Variants in VAV2 observed in about 807,000 individuals in gnomAD.
VAV2 encodes the protein vav guanine nucleotide exchange factor 2.
Under a neutral mutation model 132.5 loss-of-function variants are expected in VAV2, and 67 were observed. The observed-to-expected ratio is 0.51, with a 90% CI of 0.42 to 0.62. The LOEUF (loss-of-function observed/expected upper bound fraction) is 0.62. VAV2 is among the 20% of genes least tolerant of loss of function. VAV2 has a pLI of 0.00. For synonymous variants in VAV2, 492 were observed against 443.5 expected (o/e 1.11, Z -1.37); for missense variants, 938 against 1,153.6 (o/e 0.81, Z 2.71).
At chr9:133,938,070 A>G (rs1840991828) in intron 2 of VAV2, among the ~76,000 whole-genome samples, 1 of 152,218 alleles carries the variant, frequency 6.6e-6, no homozygotes, top group Admixed American at 6.5e-5. Flanking sequence ...GCGCCACTGC[A>G]AACCCAAATT....
intron 2 of VAV2, among the ~76,000 whole-genome samples, chr9:133,888,565 G>A (rs1449459636): frequency 1.3e-5 from 2 of 152,142 alleles, no homozygotes; most frequent in South Asian, 2.1e-4. Context: ...CAGGAGCCAC[G>A]TCACTCTCAC....
At chr9:133,790,684 T>C (rs1467945055) in intron 13 of VAV2, among the ~76,000 whole-genome samples, 1 of 152,124 alleles carries the variant, frequency 6.6e-6, no homozygotes, top group Non-Finnish European at 1.5e-5. Context: ...TTAATTTCTT[T>C]CTAAAATGAA....
At chr9:133,962,169 G>C (rs937542518) in intron 1 of VAV2, among the ~76,000 whole-genome samples, 2 of 152,154 alleles carry the variant, frequency 1.3e-5, no homozygotes, top group Admixed American at 6.5e-5. Flanking sequence ...GGGCACAGAG[G>C]GGGATGAAGG....
intron 2 of VAV2, among the ~76,000 whole-genome samples, chr9:133,894,955 A>G (rs1839137502): frequency 6.6e-6 from 1 of 152,228 alleles, no homozygotes; most frequent in African/African-American, 2.4e-5. Context: ...AGCCCTGGCC[A>G]TCGGTGTCAC....
intron 2 of VAV2, among the ~76,000 whole-genome samples, chr9:133,868,065 C>A (rs946621721): frequency 1.3e-5 from 2 of 152,260 alleles, no homozygotes; most frequent in African/African-American, 4.8e-5. Flanking sequence ...CCACTGGCTT[C>A]TCCAATGATT....
In VAV2 at chr9:133,968,573, C is replaced by T. The variant is rs896903563; in HGVS notation, c.204+23502G>A. On this transcript the variant is annotated intron_variant, in intron 1 of 29. Coordinates refer to ENST00000371850, the MANE Select transcript of VAV2 (RefSeq NM_001134398.2). Reference sequence around the variant, plus strand: ...GGGTCCCTACCCATGGGGCCATCCCCGGGGGCCTGGACAGAGCTGCCGGTC... The same window carrying T: ...GGGTCCCTACCCATGGGGCCATCCCTGGGGGCCTGGACAGAGCTGCCGGTC... Among the ~76,000 whole-genome samples, 20 of 152,214 alleles carry T rather than the reference C, an allele frequency of 1.3e-4. 1 individual carries two copies. In the South Asian group the frequency reaches 2.1e-3, roughly 16 times the overall value.
At chr9:133,956,846 G>A (rs1416065773) in intron 1 of VAV2, among the ~76,000 whole-genome samples, 2 of 152,218 alleles carry the variant, frequency 1.3e-5, no homozygotes, top group Non-Finnish European at 2.9e-5. Flanking sequence ...CCAGGGCCTG[G>A]GACAGAGCCC....
rs2131581679 is a variant in VAV2, at chr9:133,775,932, C to A, written c.2018+96G>T. The A allele has an allele frequency of 4.1e-6, 6 of 1,473,538 alleles. No homozygotes were observed. In the South Asian group the frequency reaches 8.3e-5, roughly 20 times the overall value. The allele number at this position is 1,473,538 out of a possible 1,614,324, so 91.3% of individuals were successfully genotyped here. A position where few individuals can be genotyped will look rare whatever the true frequency, so the allele number is the denominator to read the frequency against. On this transcript the variant is annotated intron_variant, in intron 24 of 29. Coordinates refer to ENST00000371850, the MANE Select transcript of VAV2 (RefSeq NM_001134398.2). ...CAGGCAGCCTGGGGCCTCCACCCTG[C>A]TGGGCCGCTCACAGGCACCACCCAG...
At chr9:133,956,048 C>G (rs554101631) in intron 1 of VAV2, among the ~76,000 whole-genome samples, 1 of 151,852 alleles carries the variant, frequency 6.6e-6, no homozygotes, top group African/African-American at 2.4e-5. Flanking sequence ...CCCACGGGGC[C>G]AGGAGGCACA....
At chr9:133,895,692 G>A (rs1839171633) in intron 2 of VAV2, among the ~76,000 whole-genome samples, 1 of 152,132 alleles carries the variant, frequency 6.6e-6, no homozygotes, top group South Asian at 2.1e-4. Context: ...TTCTTTTTGG[G>A]GGTAATGAAA....
At chr9:133,835,724 G>C (rs1836445166) in intron 3 of VAV2, among the ~76,000 whole-genome samples, 1 of 152,158 alleles carries the variant, frequency 6.6e-6, no homozygotes, top group Non-Finnish European at 1.5e-5. Flanking sequence ...GGTCCGTCCC[G>C]GCAGCCCCGC....
In VAV2 at chr9:133,991,945, C is replaced by G. The variant is rs1843035609; in HGVS notation, c.204+130G>C. ...GGGGCGCACCCTCCAGCCGCCCGCC[C>G]GCGTCCCGGAGCCCGGCCGCCCCAG... On this transcript the variant is annotated intron_variant, in intron 1 of 29. Coordinates refer to ENST00000371850, the MANE Select transcript of VAV2 (RefSeq NM_001134398.2). The surrounding 1 kb of genome is among the most constrained non-coding windows in gnomAD (Gnocchi z 4.8). The G allele has an allele frequency of 1.4e-6, 1 of 738,878 alleles. No individual in the cohort carries two copies. The highest frequency in any genetic ancestry group is 5.6e-5 in the Admixed American group (1 of 17,750). The allele number at this position is 738,878 out of a possible 1,614,324, so 45.8% of individuals were successfully genotyped here. A position where few individuals can be genotyped will look rare whatever the true frequency, so the allele number is the denominator to read the frequency against.
chr9:133,952,606 G>A (rs372675441), intron 1 of VAV2, among the ~76,000 whole-genome samples: 3,228 of 148,546 alleles, frequency 0.022, 56 homozygotes, highest in Middle Eastern at 0.042. Context: ...CTGTCTCGGG[G>A]AAAAAAAAAA....
intron 2 of VAV2, among the ~76,000 whole-genome samples, chr9:133,897,965 C>T (rs2131999823): frequency 6.6e-6 from 1 of 152,218 alleles, no homozygotes; most frequent in East Asian, 1.9e-4. Context: ...AAGGCAGAGA[C>T]AGGCAGCTGG....
chr9:133,973,422 T>C (rs1265103510), intron 1 of VAV2, among the ~76,000 whole-genome samples: 2 of 152,192 alleles, frequency 1.3e-5, no homozygotes, highest in African/African-American at 4.8e-5. Context: ...CGGGCAGGAC[T>C]GGAGAGTTAT....
At chr9:133,786,103 G>A (rs916143105) in intron 16 of VAV2, 5 of 594,924 alleles carry the variant, frequency 8.4e-6, no homozygotes, top group Non-Finnish European at 1.6e-5. Flanking sequence ...ATGTATAGCT[G>A]TGTGCCCATA....
intron 1 of VAV2, among the ~76,000 whole-genome samples, chr9:133,970,591 A>G (rs2428086): frequency 0.76 from 116,079 of 151,982 alleles, 44,537 homozygotes; most frequent in East Asian, 0.92. Context: ...GCAGAGATGG[A>G]GGTGGCTCCT....
chr9:133,900,020 C>G (rs1185701774), intron 2 of VAV2, among the ~76,000 whole-genome samples: 1 of 120,226 alleles, frequency 8.3e-6, no homozygotes, highest in Non-Finnish European at 1.8e-5. Flanking sequence ...GACTCCATCT[C>G]AAAAAAAATA....
chr9:133,991,578 G>A lies in VAV2; in HGVS notation c.204+497C>T, dbSNP rs1039942095. 1.3e-5 allele frequency among the ~76,000 whole-genome samples: 2 copies of A among 151,816 alleles called. 1 individual carries two copies. The highest frequency in any genetic ancestry group is 4.1e-4 in the South Asian group (2 of 4,824). On this transcript the variant is annotated intron_variant, in intron 1 of 29. Transcript: ENST00000371850. This position sits in a 1 kb window ranked among gnomAD's most constrained non-coding sequence, Gnocchi z 4.8. The stretch of plus-strand genomic sequence containing the variant: ...CCCGGGGCCAACCCAGCTCCCTCCG[G>A]CCCCGAGGGCTCCCGCCCCGCGCCC...
Sources: allele counts gnomAD v4.1 joint callset (sites outside exome capture counted in the v4.1 genomes callset), GRCh38; gene constraint gnomAD v4.1.1; non-coding constraint Gnocchi (gnomAD v3.1); transcripts MANE v1.5; gene names NCBI Gene and HGNC (gene_info 2026-07-23, HGNC 2026-07-21).